Variants in CDH8 observed in about 807,000 individuals in gnomAD.
CDH8 encodes cadherin 8, also known as cadherin-8.
A neutral mutation model predicts 68.1 loss-of-function variants in CDH8; 17 were observed. That is an observed-to-expected ratio of 0.25 (90% CI 0.17 to 0.37). The LOEUF (loss-of-function observed/expected upper bound fraction) is 0.37. Ranked by LOEUF, CDH8 falls within the 10% of genes least tolerant of loss-of-function variation. The pLI, the probability that CDH8 is intolerant of heterozygous loss-of-function variation, is 1.00. For missense variants in CDH8, 763 were observed against 999.3 expected (o/e 0.76, Z 3.19); for synonymous variants, 372 against 365.1 (o/e 1.02, Z -0.21).
At chr16:61,762,611 A>T (rs1960498217) in intron 8 of CDH8, among the ~76,000 whole-genome samples, 3 of 152,144 alleles carry the variant, frequency 2.0e-5, no homozygotes. Flanking sequence ...GCCCCAAACA[A>T]GACCTACTGA....
chr16:61,913,032 A>C (rs1057453595), intron 2 of CDH8, among the ~76,000 whole-genome samples: 3 of 152,148 alleles, frequency 2.0e-5, no homozygotes, highest in Non-Finnish European at 2.9e-5. Flanking sequence ...ATTGGGTATG[A>C]TAAGTACAAG....
chr16:61,750,406 C>A (rs1596930414), intron 8 of CDH8, among the ~76,000 whole-genome samples: 1 of 152,064 alleles, frequency 6.6e-6, no homozygotes, highest in East Asian at 1.9e-4. Flanking sequence ...TAAATTAAAA[C>A]AAACATTGCA....
chr16:61,913,809 T>C (rs1597060971), intron 2 of CDH8, among the ~76,000 whole-genome samples: 1 of 152,132 alleles, frequency 6.6e-6, no homozygotes, highest in East Asian at 1.9e-4. Context: ...ACATTAATAA[T>C]AATATTAATA....
rs1257147202 is a variant in CDH8, at chr16:61,647,793, T to C, written c.*5815A>G. 1 of 699,604 alleles carries C rather than the reference T, an allele frequency of 1.4e-6. No individual in the cohort carries two copies. The highest frequency in any genetic ancestry group is 1.5e-5 in the South Asian group (1 of 67,520). 43.3% of individuals were successfully genotyped at this position (699,604 alleles called of 1,614,324 possible). A position where few individuals can be genotyped will look rare whatever the true frequency, so the allele number is the denominator to read the frequency against. On this transcript the variant is annotated 3_prime_UTR_variant, in exon 12 of 12. Transcript: ENST00000577390. ...GGTGACCTCTCATTTCCTTTTCTGG[T>C]CCTGACCTCTGAGTTCATTGAAGCC... is the stretch of plus-strand genomic sequence containing the variant.
chr16:61,774,090 C>T (rs1960848017), intron 8 of CDH8, among the ~76,000 whole-genome samples: 1 of 152,034 alleles, frequency 6.6e-6, no homozygotes, highest in Admixed American at 6.6e-5. Flanking sequence ...AGAAAACATG[C>T]TGCATTTTCA....
At chr16:61,884,447 C>T (rs1963635217) in intron 3 of CDH8, among the ~76,000 whole-genome samples, 1 of 150,728 alleles carries the variant, frequency 6.6e-6, no homozygotes, top group Non-Finnish European at 1.5e-5. Context: ...GATCTCGGCT[C>T]ATTGCAACCT....
intron 3 of CDH8, among the ~76,000 whole-genome samples, chr16:61,896,992 A>G (rs1355265): frequency 0.54 from 80,722 of 150,790 alleles, 23,867 homozygotes; most frequent in African/African-American, 0.8. Context: ...AACTCCCACC[A>G]GAAACTTCAA....
intron 2 of CDH8, among the ~76,000 whole-genome samples, chr16:61,956,173 T>C (rs1964985433): frequency 6.6e-6 from 1 of 152,178 alleles, no homozygotes; most frequent in Non-Finnish European, 1.5e-5. Flanking sequence ...TGTCAAAAAT[T>C]TGTATACACA....
At chr16:62,028,818 G>C (rs557530512) in intron 1 of CDH8, among the ~76,000 whole-genome samples, 2 of 151,716 alleles carry the variant, frequency 1.3e-5, no homozygotes, top group Non-Finnish European at 2.9e-5. Context: ...GTCATTTCTC[G>C]AGTCTAATCT....
In CDH8 at chr16:61,789,390, T is replaced by A; in HGVS notation, c.1370A>T (p.Glu457Val). 3 of 1,613,004 alleles carry A rather than the reference T, an allele frequency of 1.9e-6. No individual in the cohort carries two copies. Among genetic ancestry groups the A allele is most frequent in the Non-Finnish European group, 2.5e-6 (3 of 1,179,270 alleles). The change falls in exon 8 of 12, where the codon GAA (glutamate) becomes GTA (valine). Residue 457 changes from glutamate (E) to valine (V), a missense_variant. Glu to Val is a moderately radical substitution (Grantham distance 121). Around this residue, in one of 2 missense-constraint regions of CDH8, gnomAD observed 397 missense variants for 436.2 expected, o/e 0.91. Transcript: ENST00000577390. ...KITLATPLDR[E>V]LSVWHNITII... is the part of the protein sequence containing the mutation. Reference sequence around the variant, plus strand: ...TGTTATGTTGTGCCATACACTTAATTCTCTGTCAAGTGGTGTTGCCAGCGT... The same window carrying A: ...TGTTATGTTGTGCCATACACTTAATACTCTGTCAAGTGGTGTTGCCAGCGT...
At position 61,714,029 on chromosome 16, in the gene CDH8, G is replaced by A. The variant is rs115548634; in HGVS notation, c.1537-71C>T. The A allele has an allele frequency of 3.7e-3, 3,429 of 923,286 alleles. 61 individuals are homozygous for A. Among genetic ancestry groups the A allele is most frequent in the African/African-American group, 0.034 (2,083 of 60,520 alleles). 57.2% of individuals were successfully genotyped at this position (923,286 alleles called of 1,614,324 possible). A position where few individuals can be genotyped will look rare whatever the true frequency, so the allele number is the denominator to read the frequency against. The stretch of plus-strand genomic sequence containing the variant: ...CTCCTGCCATCGGTAAAAGCTTAGT[G>A]ACATTCTTTTTGTGGTCTGATACTT... On this transcript the variant is annotated intron_variant, in intron 9 of 11. Coordinates refer to ENST00000577390, the MANE Select transcript of CDH8 (RefSeq NM_001796.5).
intron 8 of CDH8, among the ~76,000 whole-genome samples, chr16:61,753,380 C>T (rs974409019): frequency 1.3e-5 from 2 of 152,020 alleles, no homozygotes; most frequent in Non-Finnish European, 2.9e-5. Context: ...GGTGGGACTA[C>T]AGGCATGTGC....
intron 2 of CDH8, among the ~76,000 whole-genome samples, chr16:61,960,473 A>T (rs1567546959): frequency 6.6e-6 from 1 of 152,070 alleles, no homozygotes; most frequent in Admixed American, 6.5e-5. Context: ...GAGTATACAT[A>T]TATTCTGTCC....
chr16:61,991,046 T>G (rs143957358), intron 2 of CDH8, among the ~76,000 whole-genome samples: 1 of 152,102 alleles, frequency 6.6e-6, no homozygotes, highest in Non-Finnish European at 1.5e-5. Context: ...AAGTGCAAAG[T>G]TGCACATTAG....
At position 61,722,749 on chromosome 16, in the gene CDH8, T is replaced by A. The variant is rs143204115; in HGVS notation, c.1536+4345A>T. ...GTGTCAAGCATTGGCTAGATACATA[T>A]CATCCAGAAGTATAAGTGACTACCT... On this transcript the variant is annotated intron_variant, in intron 9 of 11. Transcript: ENST00000577390. 1.2e-3 allele frequency among the ~76,000 whole-genome samples: 174 copies of A among 150,964 alleles called. 1 individual carries two copies. Among genetic ancestry groups the A allele is most frequent in the African/African-American group, 4.1e-3 (169 of 41,416 alleles).
rs558959735 is a variant in CDH8 at position 61,655,364 on chromosome 16, C to T, written c.1906+106G>A. ...GAGAAGGAAAGGAAGTTCCTCTTCC[C>T]CAACGGAATGCTCTTGCCTGTGTAG... On this transcript the variant is annotated intron_variant, in intron 11 of 11. Coordinates refer to ENST00000577390, the MANE Select transcript of CDH8 (RefSeq NM_001796.5). The T allele has an allele frequency of 3.7e-5, 41 of 1,115,918 alleles. 1 individual carries two copies. The African/African-American group carries it at 6.3e-4, about 17-fold the overall frequency. The allele number at this position is 1,115,918 out of a possible 1,614,324, so 69.1% of individuals were successfully genotyped here. A position where few individuals can be genotyped will look rare whatever the true frequency, so the allele number is the denominator to read the frequency against.
chr16:61,903,072 G>A (rs1959465922), intron 2 of CDH8, among the ~76,000 whole-genome samples: 1 of 152,098 alleles, frequency 6.6e-6, no homozygotes, highest in Non-Finnish European at 1.5e-5. Context: ...CATACAAGGA[G>A]TTCTTGAGAC....
chr16:61,705,073 T>C (rs1964503191), intron 10 of CDH8, among the ~76,000 whole-genome samples: 3 of 152,164 alleles, frequency 2.0e-5, no homozygotes, highest in African/African-American at 7.2e-5. Context: ...TCTACTAGAA[T>C]GAAAGCAAAG....
intron 8 of CDH8, among the ~76,000 whole-genome samples, chr16:61,740,705 T>C (rs1169788944): frequency 1.3e-5 from 2 of 152,210 alleles, no homozygotes; most frequent in Non-Finnish European, 2.9e-5. Context: ...TTCATTCATA[T>C]AGTTGCAGCA....
Sources: allele counts gnomAD v4.1 joint callset (sites outside exome capture counted in the v4.1 genomes callset), GRCh38; gene constraint gnomAD v4.1.1; regional missense constraint gnomAD v4.1.1; transcripts MANE v1.5; gene names NCBI Gene and HGNC (gene_info 2026-07-23, HGNC 2026-07-21).